The following TMEM135 variants were observed in gnomAD, a reference collection of about 807,000 sequenced individuals.
TMEM135 encodes transmembrane protein 135, also known as peroxisomal membrane protein 52.
A neutral mutation model predicts 60.3 loss-of-function variants in TMEM135; 30 were observed. The observed-to-expected ratio is 0.50, with a 90% CI of 0.37 to 0.68. The LOEUF (loss-of-function observed/expected upper bound fraction) is 0.68. TMEM135 is among the 30% of genes least tolerant of loss of function. The pLI, the probability that TMEM135 is intolerant of heterozygous loss-of-function variation, is 0.00. For synonymous variants in TMEM135, 190 were observed against 186.7 expected, an observed-to-expected ratio of 1.02 and a Z score of -0.14; for missense variants, 468 against 548.8, an observed-to-expected ratio of 0.85 and a Z score of 1.47.
rs10655114 is a variant in TMEM135 at position 87,274,786 on chromosome 11, C to CTGTGTGTGTGTGTG, written c.510-20966_510-20953dup. Among the ~76,000 whole-genome samples, 1,092 of 129,258 alleles carry CTGTGTGTGTGTGTG rather than the reference C, an allele frequency of 8.4e-3. 5 individuals carry two copies. The highest frequency in any genetic ancestry group is 0.021 in the East Asian group (91 of 4,334). 84.8% of individuals were successfully genotyped at this position (129,258 alleles called of 152,430 possible). On this transcript the variant is annotated intron_variant, in intron 6 of 14. Coordinates refer to ENST00000305494, the MANE Select transcript of TMEM135 (RefSeq NM_022918.4). The stretch of plus-strand genomic sequence containing the variant: ...AACCAGCCTGGGCAACATAGCAAGA[C>CTGTGTGTGTGTGTG]TGTGTGTGTGTGTGTGTGTGTGTGT...
chr11:87,186,410 T>A (rs114881626), intron 5 of TMEM135, among the ~76,000 whole-genome samples: 1 of 152,326 alleles, frequency 6.6e-6, no homozygotes, highest in African/African-American at 2.4e-5. Context: ...GATTTTTAAC[T>A]TATATAGTGT....
At chr11:87,252,851 A>G (rs962679144) in intron 6 of TMEM135, among the ~76,000 whole-genome samples, 6 of 151,686 alleles carry the variant, frequency 4.0e-5, no homozygotes, top group Non-Finnish European at 7.4e-5. Context: ...AGACAAGGAC[A>G]AACATGAAGC....
In TMEM135 at chr11:87,323,337, A is replaced by C. The variant is rs1317850900; in HGVS notation, c.*2004A>C. The C allele has an allele frequency of 2.2e-6, 1 of 453,916 alleles. No individual in the cohort carries two copies. Among genetic ancestry groups the C allele is most frequent in the African/African-American group, 2.0e-5 (1 of 49,998 alleles). 28.1% of individuals were successfully genotyped at this position (453,916 alleles called of 1,614,324 possible). A position where few individuals can be genotyped will look rare whatever the true frequency, so the allele number is the denominator to read the frequency against. ...TAGGTTGAGTGAATAACCAATTTGC[A>C]GTGGTGGATTGAGAAGTCCAGTTTG... is the stretch of plus-strand genomic sequence containing the variant. On this transcript the variant is annotated 3_prime_UTR_variant, in exon 15 of 15. Transcript: ENST00000305494.
At chr11:87,227,794 A>G (rs972899379) in intron 5 of TMEM135, among the ~76,000 whole-genome samples, 1 of 152,168 alleles carries the variant, frequency 6.6e-6, no homozygotes, top group Non-Finnish European at 1.5e-5. Flanking sequence ...AGACCATGCA[A>G]TAGTCTGTTT....
At chr11:87,098,205 A>G (rs1438202005) in intron 4 of TMEM135, among the ~76,000 whole-genome samples, 1 of 151,796 alleles carries the variant, frequency 6.6e-6, no homozygotes, top group Non-Finnish European at 1.5e-5. Flanking sequence ...GAAAATAATA[A>G]CTCCTGTAAG....
intron 5 of TMEM135, among the ~76,000 whole-genome samples, chr11:87,163,071 T>C (rs1321325185): frequency 4.0e-5 from 6 of 151,528 alleles, no homozygotes; most frequent in Non-Finnish European, 8.8e-5. Context: ...AGTTTTAGGG[T>C]ACATGTGCAC....
At chr11:87,198,835 C>T (rs1381992029) in intron 5 of TMEM135, among the ~76,000 whole-genome samples, 4 of 152,070 alleles carry the variant, frequency 2.6e-5, no homozygotes, top group South Asian at 4.1e-4. Context: ...AAATGAAGAA[C>T]GTTTGACTGA....
intron 6 of TMEM135, among the ~76,000 whole-genome samples, chr11:87,247,182 T>C (rs1785603): frequency 0.66 from 99,563 of 151,438 alleles, 33,316 homozygotes; most frequent in Non-Finnish European, 0.71. Context: ...TTGTGAACCA[T>C]GAATGCTGAT....
Position 87,324,593 on chromosome 11 carries a change from T to A in TMEM135, c.*3260T>A. The A allele has an allele frequency of 2.3e-6, 1 of 440,160 alleles. No homozygotes were observed. The highest frequency in any genetic ancestry group is 4.5e-6 in the Non-Finnish European group (1 of 223,572). 27.3% of individuals were successfully genotyped at this position (440,160 alleles called of 1,614,324 possible). A position where few individuals can be genotyped will look rare whatever the true frequency, so the allele number is the denominator to read the frequency against. ...TGCCACCATGCCTGGCTAATATTTA[T>A]TTTATTTATTTTTTTTTTGTAGAAA... On this transcript the variant is annotated 3_prime_UTR_variant, in exon 15 of 15. Transcript: ENST00000305494.
At chr11:87,208,471 G>A (rs1940287921) in intron 5 of TMEM135, among the ~76,000 whole-genome samples, 2 of 152,094 alleles carry the variant, frequency 1.3e-5, no homozygotes, top group African/African-American at 4.8e-5. Flanking sequence ...GAATTGAAGA[G>A]CTTGAAGACC....
chr11:87,286,456 C>A (rs548396172), intron 6 of TMEM135, among the ~76,000 whole-genome samples: 1 of 152,218 alleles, frequency 6.6e-6, no homozygotes, highest in South Asian at 2.1e-4. Context: ...CAGCTGGCTT[C>A]GCCTAGTGGA....
At chr11:87,318,455 AT>A (rs1942768200) in intron 13 of TMEM135, among the ~76,000 whole-genome samples, 1 of 151,876 alleles carries the variant, frequency 6.6e-6, no homozygotes, top group Non-Finnish European at 1.5e-5. Flanking sequence ...GAGTACACCA[AT>A]TTTTAGGTTT....
chr11:87,099,737 C>T (rs1333011761), intron 4 of TMEM135, among the ~76,000 whole-genome samples: 1 of 133,542 alleles, frequency 7.5e-6, no homozygotes, highest in African/African-American at 2.8e-5. Context: ...GGTTGGAGTG[C>T]AGTGGCGTGA....
chr11:87,150,331 C>A (rs2135258109), intron 4 of TMEM135, among the ~76,000 whole-genome samples: 1 of 152,184 alleles, frequency 6.6e-6, no homozygotes, highest in East Asian at 1.9e-4. Context: ...GCAGAGGCAA[C>A]CACTTGCAGT....
chr11:87,087,433 G>T (rs950733538), intron 3 of TMEM135, among the ~76,000 whole-genome samples: 1 of 152,094 alleles, frequency 6.6e-6, no homozygotes, highest in Non-Finnish European at 1.5e-5. Flanking sequence ...CTTAGCTGCA[G>T]CCAGAGATCA....
chr11:87,045,263 C>T (rs1590975573), intron 1 of TMEM135, among the ~76,000 whole-genome samples: 2 of 152,116 alleles, frequency 1.3e-5, no homozygotes, highest in Middle Eastern at 3.4e-3. Context: ...ATCTCCTGAC[C>T]TTGTGATCCG....
chr11:87,149,807 A>G (rs78236209), intron 4 of TMEM135, among the ~76,000 whole-genome samples: 1,584 of 152,350 alleles, frequency 0.01, 42 homozygotes, highest in South Asian at 0.095. Flanking sequence ...GTCCTCAACT[A>G]TATTCTCATC....
intron 6 of TMEM135, among the ~76,000 whole-genome samples, chr11:87,250,656 G>A (rs989007423): frequency 6.6e-6 from 1 of 151,994 alleles, no homozygotes; most frequent in Non-Finnish European, 1.5e-5. Flanking sequence ...TCAAGTTTTT[G>A]AATTTTTTAA....
intron 5 of TMEM135, among the ~76,000 whole-genome samples, chr11:87,228,903 T>G (rs1940826201): frequency 6.6e-6 from 1 of 152,190 alleles, no homozygotes; most frequent in South Asian, 2.1e-4. Context: ...ATTGTGATTT[T>G]GTTTCTTTGC....
Sources: allele counts gnomAD v4.1 joint callset (sites outside exome capture counted in the v4.1 genomes callset), GRCh38; gene constraint gnomAD v4.1.1; transcripts MANE v1.5; gene names NCBI Gene and HGNC (gene_info 2026-07-23, HGNC 2026-07-21).